GRK7: variants seen among roughly 807,000 people sequenced by gnomAD.
The protein encoded by GRK7 is G protein-coupled receptor kinase 7, also known as rhodopsin kinase GRK7.
A neutral mutation model predicts 34.1 loss-of-function variants in GRK7; 24 were observed. The ratio of observed to expected loss-of-function variants is 0.70; its 90% confidence interval spans 0.51 to 0.99. The LOEUF (loss-of-function observed/expected upper bound fraction) is 0.99, where lower values mean the gene tolerates loss of function less well. Among genes scored for constraint, GRK7 ranks in the 50% least tolerant of loss-of-function variants. The pLI is 0.00. For missense variants in GRK7, 644 were observed against 707.3 expected, an observed-to-expected ratio of 0.91 and a Z score of 1.02; for synonymous variants, 256 against 279.4, an observed-to-expected ratio of 0.92 and a Z score of 0.84.
At chr3:141,762,606 AG>A (rs1480163396), upstream of GRK7, among the ~76,000 whole-genome samples, 1 of 151,282 alleles carries the variant, frequency 6.6e-6, no homozygotes, top group Non-Finnish European at 1.5e-5. Flanking sequence ...GAGCCTACGG[AG>A]GCAGGCAGGC....
upstream of GRK7, among the ~76,000 whole-genome samples, chr3:141,763,051 A>G (rs975554166): frequency 3.9e-5 from 6 of 152,246 alleles, no homozygotes; most frequent in African/African-American, 1.2e-4. Flanking sequence ...AGATGAACCC[A>G]GTACCTCAGA....
chr3:141,754,801 A>ACC, the GRK7 span, among the ~76,000 whole-genome samples: 9 of 152,334 alleles, frequency 5.9e-5, no homozygotes, highest in Admixed American at 1.3e-4. Flanking sequence ...AGTTGCTGCT[A>ACC]CATATACTTT....
intron 4 of GRK7, among the ~76,000 whole-genome samples, chr3:141,802,117 C>G (rs1385892531): frequency 1.3e-5 from 2 of 151,904 alleles, no homozygotes; most frequent in Non-Finnish European, 2.9e-5. Flanking sequence ...GCCTGTAATC[C>G]CAGCACTTTG....
intron 1 of GRK7, among the ~76,000 whole-genome samples, chr3:141,769,091 T>A (rs2084603807): frequency 6.6e-6 from 1 of 152,130 alleles, no homozygotes; most frequent in African/African-American, 2.4e-5. Flanking sequence ...AGACCTCTCC[T>A]CTGAACTCCA....
chr3:141,780,110 C>T (rs1284341953), intron 3 of GRK7, among the ~76,000 whole-genome samples: 1 of 152,184 alleles, frequency 6.6e-6, no homozygotes, highest in Non-Finnish European at 1.5e-5. Flanking sequence ...TTTTTATTCC[C>T]ACCAGCAATG....
At chr3:141,791,649 C>G (rs767629687) in intron 4 of GRK7, among the ~76,000 whole-genome samples, 2 of 152,214 alleles carry the variant, frequency 1.3e-5, no homozygotes, top group African/African-American at 2.4e-5. Context: ...TTCACTCACT[C>G]ACTCACTTGT....
intron 4 of GRK7, among the ~76,000 whole-genome samples, chr3:141,787,353 A>G (rs1035764272): frequency 6.6e-6 from 1 of 152,170 alleles, no homozygotes; most frequent in Non-Finnish European, 1.5e-5. Context: ...GCTGGGTGCT[A>G]TGGCTGATGC....
chr3:141,789,218 T>G (rs1388863126), intron 4 of GRK7, among the ~76,000 whole-genome samples: 2 of 152,206 alleles, frequency 1.3e-5, no homozygotes, highest in Non-Finnish European at 2.9e-5. Context: ...ACTATGTTAC[T>G]TCAGAAAAAT....
intron 1 of GRK7, among the ~76,000 whole-genome samples, chr3:141,766,519 C>T (rs1191235313): frequency 3.3e-5 from 5 of 151,406 alleles, no homozygotes; most frequent in Non-Finnish European, 7.4e-5. Flanking sequence ...TATTCGCCAC[C>T]AAATGTGAAA....
At chr3:141,767,433 G>A (rs1025656646) in intron 1 of GRK7, among the ~76,000 whole-genome samples, 7 of 150,150 alleles carry the variant, frequency 4.7e-5, no homozygotes, top group South Asian at 2.1e-4. Flanking sequence ...GGTCTCCTTC[G>A]CACTGTCACC....
chr3:141,769,340 T>G (rs1319708676), intron 1 of GRK7, among the ~76,000 whole-genome samples: 1 of 152,228 alleles, frequency 6.6e-6, no homozygotes, highest in East Asian at 1.9e-4. Context: ...TTCCTTCTGC[T>G]TTGTTCCATC....
intron 5 of GRK7, among the ~76,000 whole-genome samples, chr3:141,810,673 C>T (rs1428383067): frequency 6.6e-6 from 1 of 152,092 alleles, no homozygotes; most frequent in African/African-American, 2.4e-5. Flanking sequence ...CCCACCACCA[C>T]ACCCAGCTAC....
At chr3:141,795,735 A>T (rs1211332668) in intron 4 of GRK7, among the ~76,000 whole-genome samples, 3 of 152,216 alleles carry the variant, frequency 2.0e-5, no homozygotes, top group Admixed American at 2.0e-4. Flanking sequence ...AGCCTAGCAG[A>T]TGGAGACCAG....
intron 2 of GRK7, among the ~76,000 whole-genome samples, chr3:141,777,342 T>TTTTTTA (rs1577912931): frequency 8.1e-6 from 1 of 123,882 alleles, no homozygotes; most frequent in African/African-American, 3.2e-5. Flanking sequence ...TTTTTTTTTT[T>TTTTTTA]GAGACGGAGT....
At chr3:141,800,490 T>A (rs774868694) in intron 4 of GRK7, among the ~76,000 whole-genome samples, 3 of 151,830 alleles carry the variant, frequency 2.0e-5, no homozygotes, top group Non-Finnish European at 4.4e-5. Flanking sequence ...TAGAAGAGAC[T>A]ATTTTTTAAA....
chr3:141,799,610 TA>T (rs565825432), intron 4 of GRK7, among the ~76,000 whole-genome samples: 124 of 143,806 alleles, frequency 8.6e-4, no homozygotes, highest in Middle Eastern at 3.6e-3. Context: ...AGGCTCGGTC[TA>T]AAAAAAAAAA....
intron 4 of GRK7, among the ~76,000 whole-genome samples, chr3:141,795,925 G>A (rs1710863896): frequency 6.6e-6 from 1 of 152,152 alleles, no homozygotes; most frequent in Non-Finnish European, 1.5e-5. Context: ...GCTGGGCCAG[G>A]GGGTCTGCAG....
intron 1 of GRK7, among the ~76,000 whole-genome samples, chr3:141,770,518 C>A (rs2107872290): frequency 6.6e-6 from 1 of 151,708 alleles, no homozygotes; most frequent in Admixed American, 6.6e-5. Flanking sequence ...AGGGTAAAGA[C>A]CCTTTTGCTA....
At chr3:141,799,982 A>C (rs1559845849) in intron 4 of GRK7, among the ~76,000 whole-genome samples, 1 of 152,132 alleles carries the variant, frequency 6.6e-6, no homozygotes, top group Non-Finnish European at 1.5e-5. Flanking sequence ...TGCTCATTGG[A>C]CGGGTGCCAC....
Sources: gnomAD v4.1 joint callset for allele counts (sites outside exome capture counted in the v4.1 genomes callset) on GRCh38, gnomAD v4.1.1 for gene constraint, MANE v1.5 for transcripts, NCBI Gene and HGNC (gene_info 2026-07-23, HGNC 2026-07-21) for gene names.